DCDC2C: variants seen among roughly 807,000 people sequenced by gnomAD.
The protein encoded by DCDC2C is doublecortin domain containing 2C.
In DCDC2C, 44 loss-of-function variants were observed where a neutral mutation model predicts 45.0. That is an observed-to-expected ratio of 0.98 (90% CI 0.77 to 1.26). The LOEUF (loss-of-function observed/expected upper bound fraction) is 1.26. Among genes scored for constraint, DCDC2C ranks in the 50% most tolerant of loss-of-function variants. The pLI, the probability that DCDC2C is intolerant of heterozygous loss-of-function variation, is 0.00. For missense variants in DCDC2C, 447 were observed against 468.9 expected (o/e 0.95, Z 0.43); for synonymous variants, 187 against 178.8 (o/e 1.05, Z -0.37).
chr2:3,805,262 C>T (rs1015721604), intron 10 of DCDC2C, among the ~76,000 whole-genome samples: 12 of 152,192 alleles, frequency 7.9e-5, no homozygotes, highest in African/African-American at 2.4e-4. Flanking sequence ...TATTCGAATC[C>T]GGCAGCAGCT....
intron 4 of DCDC2C, among the ~76,000 whole-genome samples, chr2:3,751,362 T>G (rs1669536087): frequency 6.6e-6 from 1 of 152,210 alleles, no homozygotes; most frequent in South Asian, 2.1e-4. Context: ...AGAACAGAAT[T>G]CCAAGCATTG....
intron 10 of DCDC2C, chr2:3,788,679 G>T (rs190679932): frequency 1.3e-5 from 2 of 152,288 alleles, no homozygotes; most frequent in East Asian, 1.9e-4. Flanking sequence ...AATGTTATGC[G>T]TGATCCTATC....
intron 10 of DCDC2C, among the ~76,000 whole-genome samples, chr2:3,808,210 A>G (rs571949300): frequency 6.6e-6 from 1 of 152,222 alleles, no homozygotes; most frequent in African/African-American, 2.4e-5. Context: ...TCAATTAAAA[A>G]CATTTTTATT....
chr2:3,756,418 T>TC (rs776400110), intron 6 of DCDC2C, among the ~76,000 whole-genome samples: 1 of 152,228 alleles, frequency 6.6e-6, no homozygotes, highest in Non-Finnish European at 1.5e-5. Flanking sequence ...GTCTTTTCTT[T>TC]CCCAGTAACT....
chr2:3,759,673 CG>C (rs1346281816), intron 6 of DCDC2C, among the ~76,000 whole-genome samples: 4 of 152,100 alleles, frequency 2.6e-5, no homozygotes, highest in Non-Finnish European at 2.9e-5. Context: ...TTGCTCTAGA[CG>C]AGCACATTTA....
At chr2:3,779,325 G>A (rs1224631513) in intron 9 of DCDC2C, among the ~76,000 whole-genome samples, 1 of 152,190 alleles carries the variant, frequency 6.6e-6, no homozygotes, top group Non-Finnish European at 1.5e-5. Flanking sequence ...GTGAGGGCGT[G>A]CGGTGCCTGT....
intron 10 of DCDC2C, among the ~76,000 whole-genome samples, chr2:3,829,434 A>T (rs1671902874): frequency 6.6e-6 from 1 of 152,070 alleles, no homozygotes; most frequent in South Asian, 2.1e-4. Context: ...GCACTTGGTG[A>T]CAGAGTTTAG....
intron 4 of DCDC2C, 95 bp from the exon 5 acceptor site, chr2:3,752,668 T>C: frequency 7.0e-7 from 1 of 1,419,292 alleles, no homozygotes; most frequent in Non-Finnish European, 9.7e-7. Context: ...CAGCGGTCCA[T>C]GCACTAGTCA....
At chr2:3,814,453 A>G (rs1260390290) in intron 10 of DCDC2C, among the ~76,000 whole-genome samples, 1 of 152,094 alleles carries the variant, frequency 6.6e-6, no homozygotes, top group Non-Finnish European at 1.5e-5. Flanking sequence ...GCTTCTTTGC[A>G]TTGGGTTAGA....
At position 3,775,069 on chromosome 2, in the gene DCDC2C, GT is replaced by G. The variant is rs541405228; in HGVS notation, c.955-3734del. On this transcript the variant is annotated intron_variant, in intron 8 of 10. Coordinates refer to ENST00000399143, the MANE Select transcript of DCDC2C (RefSeq NM_001287444.2). Reference sequence around the variant, plus strand: ...CATGAGCCAGTGCGCCTGGCTGGATGTTTTTTTTTTTTTGGGTGAGGAACAA... The same window carrying G: ...CATGAGCCAGTGCGCCTGGCTGGATGTTTTTTTTTTTTGGGTGAGGAACAA... Among the ~76,000 whole-genome samples, 149 of 126,480 alleles carry G rather than the reference GT, an allele frequency of 1.2e-3. 1 individual carries two copies. The highest frequency in any genetic ancestry group is 4.2e-3 in the Middle Eastern group (1 of 238). The allele number at this position is 126,480 out of a possible 152,430, so 83.0% of individuals were successfully genotyped here. A position where few individuals can be genotyped will look rare whatever the true frequency, so the allele number is the denominator to read the frequency against.
chr2:3,728,043 G>A (rs909071123), intron 3 of DCDC2C, among the ~76,000 whole-genome samples: 1 of 152,122 alleles, frequency 6.6e-6, no homozygotes, highest in African/African-American at 2.4e-5. Context: ...GAATTTTAGC[G>A]AGTTTCCAGA....
At chr2:3,836,784 C>A (rs887856515) in intron 10 of DCDC2C, among the ~76,000 whole-genome samples, 1 of 151,788 alleles carries the variant, frequency 6.6e-6, no homozygotes, top group African/African-American at 2.4e-5. Flanking sequence ...ATGACGTGAA[C>A]CCGGGAGGCG....
chr2:3,750,530 T>A (rs1669514184), intron 4 of DCDC2C, among the ~76,000 whole-genome samples: 1 of 152,134 alleles, frequency 6.6e-6, no homozygotes, highest in South Asian at 2.1e-4. Context: ...CTGGCTTTAA[T>A]GTTCTTTCCT....
At chr2:3,790,924 T>C (rs113473631) in intron 10 of DCDC2C, among the ~76,000 whole-genome samples, 15,028 of 152,056 alleles carry the variant, frequency 0.099, 1,011 homozygotes, top group East Asian at 0.29. Flanking sequence ...CTGGCTAACA[T>C]GGCGAAACCC....
intron 10 of DCDC2C, among the ~76,000 whole-genome samples, chr2:3,836,931 A>G (rs1471056324): frequency 6.6e-6 from 1 of 151,976 alleles, no homozygotes; most frequent in East Asian, 1.9e-4. Flanking sequence ...ATACTGTACT[A>G]TCTTATAAAT....
intron 10 of DCDC2C, among the ~76,000 whole-genome samples, chr2:3,798,669 T>G (rs2148198919): frequency 1.3e-5 from 2 of 150,740 alleles, no homozygotes; most frequent in East Asian, 3.9e-4. Flanking sequence ...GGTTGAAAAT[T>G]CTTTTCTTTA....
intron 9 of DCDC2C, among the ~76,000 whole-genome samples, chr2:3,784,737 A>T (rs1670606504): frequency 6.6e-6 from 1 of 152,194 alleles, no homozygotes; most frequent in African/African-American, 2.4e-5. Context: ...GAGCTCCAAG[A>T]TGTTATATTA....
intron 3 of DCDC2C, 133 bp downstream of exon 3, chr2:3,727,212 C>T: frequency 1.5e-6 from 1 of 673,674 alleles, no homozygotes; most frequent in Non-Finnish European, 2.6e-6. Context: ...CTCTCTTGTG[C>T]TCTCACTTCC....
At chr2:3,819,266 G>T (rs1823861) in intron 10 of DCDC2C, among the ~76,000 whole-genome samples, 119 of 152,160 alleles carry the variant, frequency 7.8e-4, no homozygotes, top group Non-Finnish European at 1.4e-3. Flanking sequence ...GGACAGTCCA[G>T]TTTCCAGTGG....
Sources: gnomAD v4.1 joint callset for allele counts (sites outside exome capture counted in the v4.1 genomes callset) on GRCh38, gnomAD v4.1.1 for gene constraint, MANE v1.5 for transcripts, NCBI Gene and HGNC (gene_info 2026-07-23, HGNC 2026-07-21) for gene names.